The following NAB2 variants were observed in gnomAD, a reference collection of about 807,000 sequenced individuals.
The protein encoded by NAB2 is NGFI-A-binding protein 2.
A neutral mutation model predicts 44.2 loss-of-function variants in NAB2; 9 were observed. The observed-to-expected ratio is 0.20, with a 90% CI of 0.12 to 0.36. The LOEUF (loss-of-function observed/expected upper bound fraction) is 0.36. NAB2 is among the 10% of genes least tolerant of loss of function. NAB2 has a pLI of 1.00. For missense variants in NAB2, 514 were observed against 709.0 expected (o/e 0.73, Z 3.12); for synonymous variants, 342 against 291.0 (o/e 1.18, Z -1.78).
rs777309769 is a variant in NAB2, at chr12:57,089,298, C to G, written c.27C>G (p.Ala9=). The G allele has an allele frequency of 6.3e-7, 1 of 1,577,914 alleles. No homozygotes were observed. Among genetic ancestry groups the G allele is most frequent in the Non-Finnish European group, 8.6e-7 (1 of 1,162,388 alleles). MHRAPSPT[A]EQPPGGGDSA... Reference sequence around the variant, plus strand: ...TGCACAGAGCGCCTTCCCCCACAGCCGAGCAGCCGCCGGGCGGAGGGGACA... The same window carrying G: ...TGCACAGAGCGCCTTCCCCCACAGCGGAGCAGCCGCCGGGCGGAGGGGACA... Residue 9 remains alanine (A), a synonymous_variant, in exon 1 of 7, where the codon GCC becomes GCG. Transcript: ENST00000300131.
Position 57,095,351 on chromosome 12 carries a change from TCTC to T in NAB2, c.*635_*637del, listed in dbSNP as rs2033336493. 1 of 152,926 alleles carries T rather than the reference TCTC, an allele frequency of 6.5e-6. No individual in the cohort carries two copies. Among genetic ancestry groups the T allele is most frequent in the South Asian group, 2.1e-4 (1 of 4,846 alleles). 9.5% of individuals were successfully genotyped at this position (152,926 alleles called of 1,614,324 possible). On this transcript the variant is annotated 3_prime_UTR_variant, in exon 7 of 7. Coordinates refer to ENST00000300131, the MANE Select transcript of NAB2 (RefSeq NM_005967.4). ...CGGGAGGCCTGGGTTGGACTCAGGG[TCTC>T]CTCCAGCTGGGGGCTGGACCGCAGC... is the stretch of plus-strand genomic sequence containing the variant.
chr12:57,092,143 A>G (rs1592532560), intron 2 of NAB2, 145 bp downstream of exon 2: 1 of 1,358,936 alleles, frequency 7.4e-7, no homozygotes, highest in South Asian at 1.5e-5. Flanking sequence ...ACAGGCCCCT[A>G]CCCCAGCGGC....
At chr12:57,092,031 T>TA in intron 2 of NAB2, 33 bp downstream of exon 2, 1 of 1,571,592 alleles carries the variant, frequency 6.4e-7, no homozygotes, top group East Asian at 2.3e-5. Context: ...GGATTGCCCT[T>TA]GACTTCCAGG....
Position 57,094,799 on chromosome 12 carries a change from T to G in NAB2, c.*78T>G. 8.2e-7 allele frequency: 1 copy of G among 1,212,126 alleles called. No individual in the cohort carries two copies. Among genetic ancestry groups the G allele is most frequent in the Non-Finnish European group, 1.2e-6 (1 of 866,186 alleles). The allele number at this position is 1,212,126 out of a possible 1,614,324, so 75.1% of individuals were successfully genotyped here. On this transcript the variant is annotated 3_prime_UTR_variant, in exon 7 of 7. Transcript: ENST00000300131. ...ACCCCCACGCTCTCCATCCCCGGAA[T>G]CTAGTCACAACCCTGGATCCTTCCT...
At chr12:57,089,822 C>T (rs1286120904) in intron 1 of NAB2, among the ~76,000 whole-genome samples, 1 of 152,208 alleles carries the variant, frequency 6.6e-6, no homozygotes, top group Admixed American at 6.5e-5. Context: ...GCGTTCCTTC[C>T]CATATCTGTC....
chr12:57,089,840 TCA>T (rs1420495358), intron 1 of NAB2, among the ~76,000 whole-genome samples: 8 of 152,042 alleles, frequency 5.3e-5, no homozygotes, highest in African/African-American at 1.9e-4. Flanking sequence ...GTCCCTTTAT[TCA>T]CAGAGCGGGG....
At position 57,094,800 on chromosome 12, in the gene NAB2, C is replaced by T; in HGVS notation, c.*79C>T. ...CCCCCACGCTCTCCATCCCCGGAAT[C>T]TAGTCACAACCCTGGATCCTTCCTC... is the stretch of plus-strand genomic sequence containing the variant. On this transcript the variant is annotated 3_prime_UTR_variant, in exon 7 of 7. Coordinates refer to ENST00000300131, the MANE Select transcript of NAB2 (RefSeq NM_005967.4). 8.4e-7 allele frequency: 1 copy of T among 1,187,956 alleles called. No individual in the cohort carries two copies. Among genetic ancestry groups the T allele is most frequent in the Non-Finnish European group, 1.2e-6 (1 of 844,960 alleles). The allele number at this position is 1,187,956 out of a possible 1,614,324, so 73.6% of individuals were successfully genotyped here.
Position 57,089,183 on chromosome 12 carries a change from C to G in NAB2, c.-89C>G. The G allele has an allele frequency of 7.4e-7, 1 of 1,344,810 alleles. No homozygotes were observed. Among genetic ancestry groups the G allele is most frequent in the East Asian group, 2.5e-5 (1 of 39,844 alleles). The allele number at this position is 1,344,810 out of a possible 1,614,324, so 83.3% of individuals were successfully genotyped here. A position where few individuals can be genotyped will look rare whatever the true frequency, so the allele number is the denominator to read the frequency against. On this transcript the variant is annotated 5_prime_UTR_variant, in exon 1 of 7. Transcript: ENST00000300131. ...GACAGAGCCTGGACAGCGGTGGACA[C>G]GGCATCGTGCGCGGGGAAGAGGGCA...
Position 57,091,391 on chromosome 12 carries a change from T to G in NAB2, c.350T>G (p.Val117Gly). Residue 117 changes from valine to glycine, a missense_variant, in exon 2 of 7, where the codon GTG becomes GGG. Physicochemically the swap from Val to Gly is moderately radical, Grantham distance 109 (BLOSUM62 -3). Coordinates refer to ENST00000300131, the MANE Select transcript of NAB2 (RefSeq NM_005967.4). The surrounding 1 kb of genome is among the most constrained non-coding windows in gnomAD (Gnocchi z 7.3). Reference sequence around the variant, plus strand: ...AATCCAGGGCTCTTCAGTCAACCAGTGCCTGCTGTTCCCGTCTCCAGCATC... The same window carrying G: ...AATCCAGGGCTCTTCAGTCAACCAGGGCCTGCTGTTCCCGTCTCCAGCATC... The part of the protein sequence containing the change: ...ATNPGLFSQP[V>G]PAVPVSSIPL... 6.2e-7 allele frequency: 1 copy of G among 1,614,194 alleles called. No individual in the cohort carries two copies. Among genetic ancestry groups the G allele is most frequent in the South Asian group, 1.1e-5 (1 of 91,092 alleles).
rs1217988109 is a variant in NAB2 at position 57,091,657 on chromosome 12, C to A, written c.616C>A (p.Pro206Thr). ...AGGAGGAGAAGAGGAGGCTGGCTCG[C>A]CCCCCTTCTCCCCCCCTGCAGGGGG... ...GAGGEEEAGS[P>T]PFSPPAGGGV... The change falls in exon 2 of 7, where the codon CCC becomes ACC. Residue 206 changes from proline to threonine, a missense_variant. Coordinates refer to ENST00000300131, the MANE Select transcript of NAB2 (RefSeq NM_005967.4). The surrounding 1 kb of genome is among the most constrained non-coding windows in gnomAD (Gnocchi z 7.3). The A allele has an allele frequency of 6.2e-7, 1 of 1,608,226 alleles. No individual in the cohort carries two copies. Among genetic ancestry groups the A allele is most frequent in the African/African-American group, 1.3e-5 (1 of 74,772 alleles).
chr12:57,094,869 G>A lies in NAB2; in HGVS notation c.*148G>A. Reference sequence around the variant, plus strand: ...CCACCTGCTCCATGGGCATAAGACTGTGGGGCTTCAAGCAATAACAAGCAG... The same window carrying A: ...CCACCTGCTCCATGGGCATAAGACTATGGGGCTTCAAGCAATAACAAGCAG... On this transcript the variant is annotated 3_prime_UTR_variant, in exon 7 of 7. Coordinates refer to ENST00000300131, the MANE Select transcript of NAB2 (RefSeq NM_005967.4). 1.5e-6 allele frequency: 1 copy of A among 651,034 alleles called. No individual in the cohort carries two copies. The highest frequency in any genetic ancestry group is 1.9e-5 in the South Asian group (1 of 51,824). 40.3% of individuals were successfully genotyped at this position (651,034 alleles called of 1,614,324 possible). A position where few individuals can be genotyped will look rare whatever the true frequency, so the allele number is the denominator to read the frequency against.
chr12:57,092,086 C>T, intron 2 of NAB2, 88 bp downstream of exon 2: 5 of 1,500,268 alleles, frequency 3.3e-6, no homozygotes, highest in Non-Finnish European at 4.4e-6. Flanking sequence ...CTCCGACTAT[C>T]TTTCATTATC....
intron 1 of NAB2, 111 bp downstream of exon 1, chr12:57,089,465 T>TGGGG: frequency 9.4e-6 from 1 of 106,198 alleles, no homozygotes; most frequent in Non-Finnish European, 1.8e-5. Context: ...AGGACGGGGG[T>TGGGG]GGGGGGTGGA....
In NAB2 at chr12:57,092,528, G is replaced by C; in HGVS notation, c.1038G>C (p.Leu346Phe). 2 of 1,614,178 alleles carry C rather than the reference G, an allele frequency of 1.2e-6. No individual in the cohort carries two copies. The highest frequency in any genetic ancestry group is 1.7e-6 in the Non-Finnish European group (2 of 1,180,050). ...LLLRRVELFS[L>F]SRQVARESTY... ...TACGGAGAGTGGAGCTCTTCTCTTT[G>C]TCCCGCCAAGTAGCCCGAGAGAGCA... Residue 346 changes from leucine (L) to phenylalanine (F), a missense_variant, in exon 3 of 7, where the codon TTG (leucine) becomes TTC (phenylalanine). Transcript: ENST00000300131.
At chr12:57,092,150 C>T (rs1217731228) in intron 2 of NAB2, 152 bp downstream of exon 2, 36 of 1,316,192 alleles carry the variant, frequency 2.7e-5, no homozygotes, top group Non-Finnish European at 3.2e-5. Flanking sequence ...CCTACCCCAG[C>T]GGCCGCAGTG....
chr12:57,092,828 A>G (rs1287971272), intron 3 of NAB2, 89 bp from the exon 4 acceptor site: 14 of 1,526,508 alleles, frequency 9.2e-6, no homozygotes, highest in East Asian at 4.5e-5. Context: ...AAGGTTTTAA[A>G]TAACACATGC....
rs1402352437 is a variant in NAB2, at chr12:57,091,440, T to G, written c.399T>G (p.Thr133=). 6.2e-7 allele frequency: 1 copy of G among 1,614,186 alleles called. No homozygotes were observed. Among genetic ancestry groups the G allele is most frequent in the Non-Finnish European group, 8.5e-7 (1 of 1,180,020 alleles). The change falls in exon 2 of 7, where the codon ACT becomes ACG. Residue 133 remains threonine (T), a synonymous_variant. Coordinates refer to ENST00000300131, the MANE Select transcript of NAB2 (RefSeq NM_005967.4). The surrounding 1 kb of genome is among the most constrained non-coding windows in gnomAD (Gnocchi z 7.3). ...TCCCGCTCTTCAAGATCTCTGAGAC[T>G]GCGGGTACCCGGAAAGGGAGCATGA... is the stretch of plus-strand genomic sequence containing the variant. ...SSIPLFKISE[T]AGTRKGSMSN... is the part of the protein sequence containing the mutation.
rs774234247 is a variant in NAB2, at chr12:57,093,111, G to A, written c.1192G>A (p.Glu398Lys). The change falls in exon 5 of 7, where the codon GAG becomes AAG. Residue 398 changes from glutamate to lysine, a missense_variant. Coordinates refer to ENST00000300131, the MANE Select transcript of NAB2 (RefSeq NM_005967.4). ...PEIQQPPPGP[E>K]SYVPPYRPSL... Reference sequence around the variant, plus strand: ...AATCCAGCAGCCTCCCCCAGGCCCTGAGTCCTATGTACCCCCATACCGCCC... The same window carrying A: ...AATCCAGCAGCCTCCCCCAGGCCCTAAGTCCTATGTACCCCCATACCGCCC... 1 of 1,613,588 alleles carries A rather than the reference G, an allele frequency of 6.2e-7. No homozygotes were observed. Among genetic ancestry groups the A allele is most frequent in the Non-Finnish European group, 8.5e-7 (1 of 1,179,672 alleles).
Position 57,091,769 on chromosome 12 carries a change from G to A in NAB2, c.728G>A (p.Arg243His), listed in dbSNP as rs761753728. Residue 243 changes from arginine (R) to histidine (H), a missense_variant, in exon 2 of 7, where the codon CGC becomes CAC. Physicochemically the swap from Arg to His is conservative, Grantham distance 29. Around this residue, in one of 5 missense-constraint regions of NAB2, gnomAD observed 177 missense variants for 200.5 expected, o/e 0.88. Coordinates refer to ENST00000300131, the MANE Select transcript of NAB2 (RefSeq NM_005967.4). This position sits in a 1 kb window ranked among gnomAD's most constrained non-coding sequence, Gnocchi z 7.3. Reference sequence around the variant, plus strand: ...GACCGACTGGAGCCAGAGATGGTACGCATGGTGGTGGAAAGTGTGGAGAGG... The same window carrying A: ...GACCGACTGGAGCCAGAGATGGTACACATGGTGGTGGAAAGTGTGGAGAGG... ...GPDRLEPEMVRMVVESVERIF... is the reference protein window; with the variant it reads ...GPDRLEPEMVHMVVESVERIF... The A allele has an allele frequency of 7.4e-6, 12 of 1,614,222 alleles. No individual in the cohort carries two copies. Among genetic ancestry groups the A allele is most frequent in the African/African-American group, 6.7e-5 (5 of 75,064 alleles).
Sources: gnomAD v4.1 joint callset for allele counts (sites outside exome capture counted in the v4.1 genomes callset) on GRCh38, gnomAD v4.1.1 for gene constraint, gnomAD v4.1.1 regional missense constraint, Gnocchi (gnomAD v3.1) non-coding constraint, MANE v1.5 for transcripts, NCBI Gene and HGNC (gene_info 2026-07-23, HGNC 2026-07-21) for gene names.